Variants in EYS observed in about 807,000 individuals in gnomAD.
EYS encodes EGF-like photoreceptor maintenance factor, also known as protein eyes shut homolog.
A neutral mutation model predicts 282.1 loss-of-function variants in EYS; 250 were observed. The ratio of observed to expected loss-of-function variants is 0.89; its 90% CI spans 0.80 to 0.98. EYS has a LOEUF of 0.98. Ranked by LOEUF, EYS falls within the 50% of genes least tolerant of loss-of-function variation. The probability of loss-of-function intolerance (pLI) is 0.00; values close to 1 mark genes in which losing one functional copy is unlikely to be tolerated. For synonymous variants in EYS, 1,355 were observed against 1,282.9 expected (o/e 1.06, Z -1.20); for missense variants, 4,016 against 3,709.0 (o/e 1.08, Z -2.15).
At chr6:64,443,039 AC>A (rs953136185) in intron 26 of EYS, among the ~76,000 whole-genome samples, 12 of 152,186 alleles carry the variant, frequency 7.9e-5, no homozygotes, top group Admixed American at 7.9e-4. Flanking sequence ...TGGAAAAGCC[AC>A]AGACACTCAA....
At position 64,968,535 on chromosome 6, in the gene EYS, T is replaced by C. The variant is rs553686797; in HGVS notation, c.2260-22621A>G. On this transcript the variant is annotated intron_variant, in intron 14 of 42. Transcript: ENST00000503581. Reference sequence around the variant, plus strand: ...CAATCAATCTCTTTCTCCTTTTGAATTGTTACCTGAGAGGGTCTGATTGCT... The same window carrying C: ...CAATCAATCTCTTTCTCCTTTTGAACTGTTACCTGAGAGGGTCTGATTGCT... Among the ~76,000 whole-genome samples the C allele has an allele frequency of 2.0e-5, 3 of 152,314 alleles. No homozygotes were observed. In the South Asian group the frequency reaches 6.2e-4, roughly 32 times the overall value.
chr6:64,338,414 A>T (rs1770946299), intron 29 of EYS, among the ~76,000 whole-genome samples: 1 of 151,894 alleles, frequency 6.6e-6, no homozygotes, highest in Non-Finnish European at 1.5e-5. Flanking sequence ...TTAGGAATAT[A>T]CCTAACCAAG....
At chr6:65,299,331 C>G (rs1424756277) in intron 11 of EYS, among the ~76,000 whole-genome samples, 1 of 152,030 alleles carries the variant, frequency 6.6e-6, no homozygotes, top group Non-Finnish European at 1.5e-5. Flanking sequence ...ATTTTTAACA[C>G]TAATTTTATA....
At chr6:64,905,975 G>T (rs1583281220) in intron 16 of EYS, among the ~76,000 whole-genome samples, 1 of 151,492 alleles carries the variant, frequency 6.6e-6, no homozygotes, top group African/African-American at 2.4e-5. Flanking sequence ...TCTTTCAAAA[G>T]TATTAAATGT....
intron 12 of EYS, among the ~76,000 whole-genome samples, chr6:65,252,024 C>G (rs1767338653): frequency 6.6e-6 from 1 of 151,912 alleles, no homozygotes; most frequent in Non-Finnish European, 1.5e-5. Context: ...TTGCTACAGT[C>G]ATTTTTCCAG....
At chr6:65,036,159 A>G (rs1772764027) in intron 13 of EYS, among the ~76,000 whole-genome samples, 1 of 151,680 alleles carries the variant, frequency 6.6e-6, no homozygotes, top group Non-Finnish European at 1.5e-5. Context: ...AGAATACAGC[A>G]TCCAGAAATA....
chr6:64,936,457 T>G (rs559193374), intron 15 of EYS, among the ~76,000 whole-genome samples: 4 of 151,266 alleles, frequency 2.6e-5, no homozygotes, highest in Middle Eastern at 3.4e-3. Flanking sequence ...TAATTAAACA[T>G]AAAACAGAAA....
intron 12 of EYS, among the ~76,000 whole-genome samples, chr6:65,242,228 C>T (rs1767074464): frequency 6.6e-6 from 1 of 152,016 alleles, no homozygotes; most frequent in African/African-American, 2.4e-5. Flanking sequence ...ACCATCATCA[C>T]AAATCTAATT....
chr6:64,616,117 A>G (rs1369195093), intron 24 of EYS, among the ~76,000 whole-genome samples: 6 of 152,154 alleles, frequency 3.9e-5, no homozygotes, highest in Non-Finnish European at 8.8e-5. Flanking sequence ...ATGTAAAATA[A>G]GCATTGATTT....
At chr6:65,332,391 T>C in intron 11 of EYS, 1 of 1,160,672 alleles carries the variant, frequency 8.6e-7, no homozygotes, top group Middle Eastern at 1.9e-4. Context: ...CTGAATTTGG[T>C]GTGGTATCAC....
intron 35 of EYS, among the ~76,000 whole-genome samples, chr6:63,982,747 GAACAAT>G (rs1181294193): frequency 6.6e-6 from 1 of 151,752 alleles, no homozygotes; most frequent in Non-Finnish European, 1.5e-5. Context: ...AGAAAGGCAT[GAACAAT>G]AACAGGAGGG....
At position 64,886,721 on chromosome 6, in the gene EYS, A is replaced by G; in HGVS notation, c.2968T>C (p.Cys990Arg). 2 of 1,546,236 alleles carry G rather than the reference A, an allele frequency of 1.3e-6. No homozygotes were observed. Among genetic ancestry groups the G allele is most frequent in the Non-Finnish European group, 1.7e-6 (2 of 1,144,144 alleles). The change falls in exon 19 of 43, where the codon TGC (cysteine) becomes CGC (arginine). Residue 990 changes from cysteine to arginine, a missense_variant. Coordinates refer to ENST00000503581, the MANE Select transcript of EYS (RefSeq NM_001142800.2). ...NCVYRTDGYN[C>R]LCAPGYTGIN... ...CCTGTATAACCAGGGGCACAGAGGC[A>G]GTTGTATCCATCAGTCCTGTAGACA...
chr6:64,678,297 G>A (rs1038245939), intron 22 of EYS, among the ~76,000 whole-genome samples: 1 of 152,216 alleles, frequency 6.6e-6, no homozygotes, highest in African/African-American at 2.4e-5. Flanking sequence ...TTGAGAATAC[G>A]CCAGGTGCGG....
At chr6:63,994,470 T>G (rs1767744180) in intron 34 of EYS, among the ~76,000 whole-genome samples, 1 of 151,940 alleles carries the variant, frequency 6.6e-6, no homozygotes, top group Non-Finnish European at 1.5e-5. Flanking sequence ...CGAGAGACCC[T>G]GAAAGGCCTT....
intron 22 of EYS, among the ~76,000 whole-genome samples, chr6:64,757,894 C>T (rs1371563909): frequency 6.6e-6 from 1 of 152,030 alleles, no homozygotes; most frequent in Non-Finnish European, 1.5e-5. Context: ...ACGCCGTTCT[C>T]CTGCCTCAGC....
At chr6:65,232,749 A>G (rs1380448609) in intron 12 of EYS, among the ~76,000 whole-genome samples, 1 of 152,162 alleles carries the variant, frequency 6.6e-6, no homozygotes, top group Non-Finnish European at 1.5e-5. Context: ...AAATTAGGTC[A>G]TATTCTAAGG....
At chr6:63,951,960 T>C (rs905006776) in intron 35 of EYS, among the ~76,000 whole-genome samples, 2 of 152,118 alleles carry the variant, frequency 1.3e-5, no homozygotes, top group African/African-American at 4.8e-5. Flanking sequence ...CTCCCGACAT[T>C]AAATAAAGCT....
chr6:64,305,621 A>G (rs763516370), intron 30 of EYS, among the ~76,000 whole-genome samples: 39 of 152,214 alleles, frequency 2.6e-4, no homozygotes, highest in Non-Finnish European at 4.7e-4. Flanking sequence ...CATACATTCA[A>G]TGGGGGAAGA....
At chr6:64,610,900 C>A (rs2149844608) in intron 24 of EYS, among the ~76,000 whole-genome samples, 1 of 152,198 alleles carries the variant, frequency 6.6e-6, no homozygotes, top group South Asian at 2.1e-4. Context: ...CCCCCAAAAC[C>A]CTCACATATC....
Sources: gnomAD v4.1 joint callset for allele counts (sites outside exome capture counted in the v4.1 genomes callset) on GRCh38, gnomAD v4.1.1 for gene constraint, MANE v1.5 for transcripts, NCBI Gene and HGNC (gene_info 2026-07-23, HGNC 2026-07-21) for gene names.